Variants in RNF220 observed in about 807,000 individuals in gnomAD.
RNF220 encodes the protein E3 ubiquitin-protein ligase RNF220.
Under a neutral mutation model 67.1 loss-of-function variants are expected in RNF220, and 7 were observed. That is an observed-to-expected ratio of 0.10 (90% CI 0.06 to 0.20). The LOEUF is 0.20. RNF220 is among the 10% of genes least tolerant of loss of function. RNF220 has a pLI of 1.00. For synonymous variants in RNF220, 270 were observed against 283.2 expected, an observed-to-expected ratio of 0.95 and a Z score of 0.47; for missense variants, 565 against 740.3, an observed-to-expected ratio of 0.76 and a Z score of 2.75.
intron 2 of RNF220, chr1:44,419,885 T>G (rs1031432165): frequency 6.6e-6 from 1 of 152,216 alleles, no homozygotes; most frequent in African/African-American, 2.4e-5. Context: ...TAAATCTACT[T>G]TTTTCTCCTA....
rs1430387871 is a variant in RNF220 at position 44,545,266 on chromosome 1, G to A, written c.626-68899G>A. 5.3e-5 allele frequency among the ~76,000 whole-genome samples: 8 copies of A among 152,320 alleles called. No individual in the cohort carries two copies. The East Asian group carries it at 1.5e-3, about 29-fold the overall frequency. On this transcript the variant is annotated intron_variant, in intron 2 of 14. Coordinates refer to ENST00000361799, the MANE Select transcript of RNF220 (RefSeq NM_018150.4). ...GGGACATCTGGTACCTTCGGTTGGA[G>A]GGAGGGCAGTTTCTGAGGATTAAAA...
chr1:44,650,212 C>T lies in RNF220; in HGVS notation c.1629+255C>T. 1 of 571,432 alleles carries T rather than the reference C, an allele frequency of 1.7e-6. No homozygotes were observed. Among genetic ancestry groups the T allele is most frequent in the Non-Finnish European group, 3.1e-6 (1 of 320,126 alleles). The allele number at this position is 571,432 out of a possible 1,614,324, so 35.4% of individuals were successfully genotyped here. A position where few individuals can be genotyped will look rare whatever the true frequency, so the allele number is the denominator to read the frequency against. ...TTCCCCGCCCCGGTCCCCGAAGGCCCACTGCATCACACAGACTGGTGAGGC... is the reference window on the plus strand; with the variant it reads ...TTCCCCGCCCCGGTCCCCGAAGGCCTACTGCATCACACAGACTGGTGAGGC... On this transcript the variant is annotated intron_variant, in intron 14 of 14. Coordinates refer to ENST00000361799, the MANE Select transcript of RNF220 (RefSeq NM_018150.4). This position sits in a 1 kb window ranked among gnomAD's most constrained non-coding sequence, Gnocchi z 4.3.
chr1:44,444,336 G>A (rs1336601470), intron 2 of RNF220, among the ~76,000 whole-genome samples: 1 of 151,824 alleles, frequency 6.6e-6, no homozygotes, highest in East Asian at 1.9e-4. Flanking sequence ...TTTGTGTTTT[G>A]CTCTTTCTGT....
chr1:44,508,083 G>C (rs935302262), intron 2 of RNF220, among the ~76,000 whole-genome samples: 5 of 151,914 alleles, frequency 3.3e-5, no homozygotes, highest in African/African-American at 4.8e-5. Flanking sequence ...GGGGGTGGGC[G>C]TGTGGGGGTG....
chr1:44,635,478 C>G, intron 6 of RNF220, 67 bp from the exon 7 acceptor site: 1 of 1,581,914 alleles, frequency 6.3e-7, no homozygotes, highest in Non-Finnish European at 8.6e-7. Flanking sequence ...GTCAGCTCCA[C>G]TGGGACCCTG....
At chr1:44,616,081 A>C (rs910759336) in intron 3 of RNF220, among the ~76,000 whole-genome samples, 2 of 152,180 alleles carry the variant, frequency 1.3e-5, no homozygotes, top group African/African-American at 4.8e-5. Context: ...GACAGCTTGA[A>C]TTTCCCTATG....
chr1:44,573,990 C>T (rs555004321), intron 2 of RNF220, among the ~76,000 whole-genome samples: 78 of 152,232 alleles, frequency 5.1e-4, no homozygotes, highest in African/African-American at 1.8e-3. Context: ...TGGTGGTGCA[C>T]ACCTGTAGTC....
intron 2 of RNF220, among the ~76,000 whole-genome samples, chr1:44,571,741 T>G (rs907588996): frequency 5.3e-5 from 8 of 152,246 alleles, no homozygotes; most frequent in African/African-American, 1.9e-4. Flanking sequence ...TCCAGCCACC[T>G]ACAGGACATC....
intron 2 of RNF220, among the ~76,000 whole-genome samples, chr1:44,508,762 A>G (rs1426113149): frequency 6.6e-6 from 1 of 151,782 alleles, no homozygotes; most frequent in Non-Finnish European, 1.5e-5. Context: ...GAGGGCTTTC[A>G]CCTCTTCTTT....
chr1:44,604,474 GTGAAACAGC>G (rs1212312831), intron 2 of RNF220, among the ~76,000 whole-genome samples: 1 of 152,270 alleles, frequency 6.6e-6, no homozygotes, highest in Non-Finnish European at 1.5e-5. Context: ...GGTCATGGGT[GTGAAACAGC>G]TGTGGCCCCT....
intron 2 of RNF220, among the ~76,000 whole-genome samples, chr1:44,518,488 C>T (rs895943181): frequency 6.6e-6 from 1 of 152,138 alleles, no homozygotes; most frequent in African/African-American, 2.4e-5. Flanking sequence ...CTTTCCTCTT[C>T]CTCAGGCATT....
intron 2 of RNF220, among the ~76,000 whole-genome samples, chr1:44,496,757 C>A (rs1024422589): frequency 1.3e-5 from 2 of 152,178 alleles, no homozygotes; most frequent in African/African-American, 2.4e-5. Context: ...TCCCCTCCCC[C>A]CAGCACTGAA....
At chr1:44,407,664 C>G (rs1405206269) in intron 1 of RNF220, among the ~76,000 whole-genome samples, 1 of 151,998 alleles carries the variant, frequency 6.6e-6, no homozygotes, top group Non-Finnish European at 1.5e-5. Context: ...CGGTGTGCGG[C>G]GGCCGGACGG....
At chr1:44,586,521 C>T (rs1665708834) in intron 2 of RNF220, among the ~76,000 whole-genome samples, 1 of 151,898 alleles carries the variant, frequency 6.6e-6, no homozygotes, top group South Asian at 2.1e-4. Context: ...GGAGCTGCTG[C>T]GGATGACACC....
intron 1 of RNF220, among the ~76,000 whole-genome samples, chr1:44,410,355 C>T (rs1362422821): frequency 6.6e-6 from 1 of 152,220 alleles, no homozygotes; most frequent in Non-Finnish European, 1.5e-5. Flanking sequence ...ACAGGATTCC[C>T]AGACTTGTCA....
intron 6 of RNF220, chr1:44,635,207 G>A (rs1644289990): frequency 3.9e-6 from 1 of 253,856 alleles, no homozygotes. Flanking sequence ...CATGGTCTTG[G>A]CCTTCTGGAG....
chr1:44,552,711 C>T (rs1339868472), intron 2 of RNF220, among the ~76,000 whole-genome samples: 4 of 151,484 alleles, frequency 2.6e-5, no homozygotes, highest in African/African-American at 7.3e-5. Context: ...GCTGGGACTA[C>T]GGGCACCCGC....
chr1:44,412,012 T>G lies in RNF220; in HGVS notation c.-86T>G. 6.8e-7 allele frequency: 1 copy of G among 1,464,756 alleles called. No individual in the cohort carries two copies. The highest frequency in any genetic ancestry group is 9.3e-7 in the Non-Finnish European group (1 of 1,079,108). 90.7% of individuals were successfully genotyped at this position (1,464,756 alleles called of 1,614,324 possible). On this transcript the variant is annotated 5_prime_UTR_variant, in exon 2 of 15. The change creates a new upstream start codon in the 5' untranslated region. Transcript: ENST00000361799. The surrounding 1 kb of genome is among the most constrained non-coding windows in gnomAD (Gnocchi z 5.3). ...GGAGGGAATGATTCCCCAGTAATAT[T>G]CCCTGCCCTGACCCAAAGTGCTGGT...
intron 2 of RNF220, among the ~76,000 whole-genome samples, chr1:44,420,754 C>T (rs926143891): frequency 2.0e-5 from 3 of 152,096 alleles, no homozygotes; most frequent in Non-Finnish European, 4.4e-5. Context: ...AGTATTCTTG[C>T]CTGCAAAATG....
Sources: allele counts gnomAD v4.1 joint callset (sites outside exome capture counted in the v4.1 genomes callset), GRCh38; gene constraint gnomAD v4.1.1; non-coding constraint Gnocchi (gnomAD v3.1); transcripts MANE v1.5; gene names NCBI Gene and HGNC (gene_info 2026-07-23, HGNC 2026-07-21).